The following GYPB variants were observed in gnomAD, a reference collection of about 807,000 sequenced individuals.
GYPB encodes glycophorin-B.
Under a neutral mutation model 15.3 loss-of-function variants are expected in GYPB, and 13 were observed. The ratio of observed to expected loss-of-function variants is 0.85; its 90% CI spans 0.55 to 1.35. GYPB has a LOEUF of 1.35. GYPB is among the 40% of genes most tolerant of loss of function. The probability of loss-of-function intolerance (pLI) is 0.00; values close to 1 mark genes in which losing one functional copy is unlikely to be tolerated. For synonymous variants in GYPB, 38 were observed against 36.9 expected (o/e 1.03, Z -0.11); for missense variants, 131 against 108.3 (o/e 1.21, Z -0.93).
chr4:144,014,187 G>A (rs62335619), intron 1 of GYPB, among the ~76,000 whole-genome samples: 1 of 139,910 alleles, frequency 7.1e-6, no homozygotes, highest in South Asian at 2.3e-4. Context: ...GAAAAGAGTT[G>A]AGCAGTTCCT....
At chr4:143,997,851 C>T (rs1006884017) in intron 3 of GYPB, among the ~76,000 whole-genome samples, 8 of 151,212 alleles carry the variant, frequency 5.3e-5, no homozygotes, top group African/African-American at 2.0e-4. Flanking sequence ...TGTCCAAGGT[C>T]GCAAAATAGT....
chr4:143,997,367 G>GGA (rs1383835208), intron 4 of GYPB, 173 bp downstream of exon 4: 1 of 395,692 alleles, frequency 2.5e-6, no homozygotes, highest in South Asian at 2.4e-5. Context: ...TTGGGCAAAT[G>GGA]CAAAAAAAAA....
intron 1 of GYPB, among the ~76,000 whole-genome samples, chr4:144,001,968 C>CAAAAA (rs374342942): frequency 3.1e-5 from 3 of 96,220 alleles, no homozygotes; most frequent in Non-Finnish European, 5.6e-5. Context: ...GATTCCGTTT[C>CAAAAA]AAAAAAAAAA....
chr4:143,999,459 A>T lies in GYPB; in HGVS notation c.137-10T>A, dbSNP rs762048716. On this transcript the variant is annotated splice_polypyrimidine_tract_variant and intron_variant, in intron 2 of 4. Coordinates refer to ENST00000502664, the MANE Select transcript of GYPB (RefSeq NM_002100.6). ...AGTTGTCCCGTTTCTCCTATAAAGCAAAATTTCAATGTAAGTCCAAATAAG... is the reference window on the plus strand; with the variant it reads ...AGTTGTCCCGTTTCTCCTATAAAGCTAAATTTCAATGTAAGTCCAAATAAG... 2 of 1,448,746 alleles carry T rather than the reference A, an allele frequency of 1.4e-6. No homozygotes were observed. Among genetic ancestry groups the T allele is most frequent in the Non-Finnish European group, 1.9e-6 (2 of 1,035,278 alleles). 89.7% of individuals were successfully genotyped at this position (1,448,746 alleles called of 1,614,324 possible). A position where few individuals can be genotyped will look rare whatever the true frequency, so the allele number is the denominator to read the frequency against.
chr4:144,005,174 C>A (rs193132231), intron 1 of GYPB, among the ~76,000 whole-genome samples: 1 of 152,066 alleles, frequency 6.6e-6, no homozygotes, highest in East Asian at 1.9e-4. Context: ...CACATCTAAT[C>A]CAAATTGCCG....
chr4:144,004,840 C>A (rs1218392340), intron 1 of GYPB, among the ~76,000 whole-genome samples: 4 of 151,820 alleles, frequency 2.6e-5, no homozygotes, highest in African/African-American at 9.8e-5. Context: ...TTCTGCAAAG[C>A]TGCAAAATAT....
intron 1 of GYPB, among the ~76,000 whole-genome samples, chr4:144,013,174 A>G (rs1399322430): frequency 1.3e-5 from 2 of 151,388 alleles, no homozygotes; most frequent in African/African-American, 4.9e-5. Flanking sequence ...AAAAATGCTC[A>G]TCATCACTGG....
chr4:144,008,424 C>T lies in GYPB; in HGVS notation c.38-7141G>A, dbSNP rs142111726. ...ATAGCCTGAGGGTAGGAGTGTTGTA[C>T]CTCTAACATAGCATTGTAGGGTGAC... On this transcript the variant is annotated intron_variant, in intron 1 of 4. Transcript: ENST00000502664. 5.7e-3 allele frequency: 2,582 copies of T among 455,142 alleles called. 203 individuals are homozygous for T. Among genetic ancestry groups the T allele is most frequent in the African/African-American group, 0.048 (2,356 of 49,376 alleles). The allele number at this position is 455,142 out of a possible 1,614,324, so 28.2% of individuals were successfully genotyped here. A position where few individuals can be genotyped will look rare whatever the true frequency, so the allele number is the denominator to read the frequency against.
intron 1 of GYPB, among the ~76,000 whole-genome samples, chr4:144,014,299 T>C (rs2149969288): frequency 6.6e-6 from 1 of 151,832 alleles, no homozygotes; most frequent in Non-Finnish European, 1.5e-5. Flanking sequence ...GGAATATTTA[T>C]AGCAGCACTA....
chr4:144,019,144 C>A lies in GYPB; in HGVS notation c.37+107G>T, dbSNP rs146570658. 294 of 1,536,328 alleles carry A rather than the reference C, an allele frequency of 1.9e-4. 9 individuals carry two copies. In the African/African-American group the frequency reaches 3.7e-3, roughly 19 times the overall value. ...CACCAGACTGGAAGAGGAAATACTA[C>A]TCATTTATTGATTTAAATAAGATAG... On this transcript the variant is annotated intron_variant, in intron 1 of 4. Transcript: ENST00000502664.
intron 1 of GYPB, among the ~76,000 whole-genome samples, chr4:144,010,229 C>A (rs1237924975): frequency 6.6e-6 from 1 of 151,064 alleles, no homozygotes; most frequent in African/African-American, 2.5e-5. Context: ...TTTGGGAGGC[C>A]AAGGCAAGAG....
intron 4 of GYPB, among the ~76,000 whole-genome samples, chr4:143,996,727 G>A (rs372771567): frequency 2.7e-5 from 4 of 150,504 alleles, no homozygotes; most frequent in South Asian, 4.2e-4. Context: ...CAGAGATTGC[G>A]CCACTTTGCA....
chr4:143,996,337 G>C, intron 4 of GYPB, 33 bp from the exon 5 acceptor site: 2 of 1,550,236 alleles, frequency 1.3e-6, no homozygotes, highest in Non-Finnish European at 1.7e-6. Context: ...TTCCACTTCA[G>C]CCTCTGCTTG....
chr4:144,012,052 TA>T (rs1208646516), intron 1 of GYPB, among the ~76,000 whole-genome samples: 1 of 152,066 alleles, frequency 6.6e-6, no homozygotes, highest in Non-Finnish European at 1.5e-5. Context: ...CTCCAGAATT[TA>T]AAAACATTTT....
chr4:143,999,691 G>A (rs1455596890), intron 2 of GYPB, among the ~76,000 whole-genome samples: 1 of 151,364 alleles, frequency 6.6e-6, no homozygotes, highest in African/African-American at 2.5e-5. Context: ...TAAGCAAATT[G>A]TCTCATAACT....
At chr4:143,998,372 A>G (rs1348698038) in intron 3 of GYPB, among the ~76,000 whole-genome samples, 2 of 151,556 alleles carry the variant, frequency 1.3e-5, no homozygotes, top group Non-Finnish European at 2.9e-5. Flanking sequence ...CTAGACATAC[A>G]GGTAAAATGG....
chr4:144,000,554 T>A, intron 2 of GYPB: 1 of 366,196 alleles, frequency 2.7e-6, no homozygotes, highest in South Asian at 2.3e-5. Context: ...AAAGACAAAT[T>A]CTCCCACATC....
At chr4:144,011,042 T>C (rs1393676840) in intron 1 of GYPB, among the ~76,000 whole-genome samples, 1 of 151,452 alleles carries the variant, frequency 6.6e-6, no homozygotes, top group African/African-American at 2.5e-5. Flanking sequence ...TGCATATGGA[T>C]TATGGTTTTG....
In GYPB at chr4:143,996,222, C is replaced by A. The variant is rs569306829; in HGVS notation, c.*77G>T. 4.5e-6 allele frequency: 7 copies of A among 1,549,446 alleles called. No individual in the cohort carries two copies. In the South Asian group the frequency reaches 6.0e-5, roughly 13 times the overall value. On this transcript the variant is annotated 3_prime_UTR_variant, in exon 5 of 5. Transcript: ENST00000502664. Reference sequence around the variant, plus strand: ...GGCATAAGCAAAGGAATAGCAGGTGCAGCCAGTTTGCATAAACAAGAGAAC... The same window carrying A: ...GGCATAAGCAAAGGAATAGCAGGTGAAGCCAGTTTGCATAAACAAGAGAAC...
Sources: gnomAD v4.1 joint callset for allele counts (sites outside exome capture counted in the v4.1 genomes callset) on GRCh38, gnomAD v4.1.1 for gene constraint, MANE v1.5 for transcripts, NCBI Gene and HGNC (gene_info 2026-07-23, HGNC 2026-07-21) for gene names.